Variants in DFFA observed in about 807,000 individuals in gnomAD.
DFFA encodes DFF45.
A neutral mutation model predicts 28.0 loss-of-function variants in DFFA; 14 were observed. The observed-to-expected ratio is 0.50, with a 90% confidence interval of 0.33 to 0.78. DFFA has a LOEUF of 0.78. Among genes scored for constraint, DFFA ranks in the 30% least tolerant of loss-of-function variants. DFFA has a pLI of 0.02. For missense variants in DFFA, 395 were observed against 407.1 expected, an observed-to-expected ratio of 0.97 and a Z score of 0.26; for synonymous variants, 158 against 170.3, an observed-to-expected ratio of 0.93 and a Z score of 0.56.
chr1:10,464,339 G>A (rs548576385), intron 3 of DFFA, among the ~76,000 whole-genome samples: 3 of 152,100 alleles, frequency 2.0e-5, no homozygotes, highest in South Asian at 2.1e-4. Context: ...TGATCCACCC[G>A]CCTCGGCCTC....
rs988569408 is a variant in DFFA, at chr1:10,463,316, C to T, written c.632-107G>A. On this transcript the variant is annotated intron_variant, in intron 4 of 5. Transcript: ENST00000377038. ...GCAAGAGAGAAACGTGCCCGTCCCG[C>T]ATCCCAGCAGCCGCGGCTTCAGTGG... The T allele has an allele frequency of 4.5e-6, 7 of 1,549,742 alleles. No individual in the cohort carries two copies. The African/African-American group carries it at 9.5e-5, about 21-fold the overall frequency.
chr1:10,465,618 C>G (rs769826797), intron 3 of DFFA, among the ~76,000 whole-genome samples: 7 of 152,068 alleles, frequency 4.6e-5, no homozygotes, highest in Non-Finnish European at 8.8e-5. Flanking sequence ...GTCTTGATCT[C>G]TTGACATCGT....
chr1:10,468,614 G>T (rs1641052500), intron 2 of DFFA, among the ~76,000 whole-genome samples: 1 of 151,996 alleles, frequency 6.6e-6, no homozygotes, highest in Non-Finnish European at 1.5e-5. Flanking sequence ...TTAGTAAATG[G>T]TAGAGCCAGG....
intron 3 of DFFA, among the ~76,000 whole-genome samples, chr1:10,466,369 T>G (rs1641022604): frequency 6.6e-6 from 1 of 151,906 alleles, no homozygotes; most frequent in Non-Finnish European, 1.5e-5. Context: ...TTTTGTATTT[T>G]TAGTAGAGAT....
chr1:10,471,152 G>T (rs1484484151), intron 1 of DFFA, among the ~76,000 whole-genome samples: 1 of 151,064 alleles, frequency 6.6e-6, no homozygotes, highest in Non-Finnish European at 1.5e-5. Context: ...AAGTATAAAA[G>T]AAGTGGAAGC....
chr1:10,461,843 C>A (rs1265085516), intron 5 of DFFA, 141 bp from the exon 6 acceptor site: 5 of 1,455,302 alleles, frequency 3.4e-6, no homozygotes, highest in Non-Finnish European at 4.5e-6. Context: ...GTTTCCTTTA[C>A]CATTAATTGC....
chr1:10,472,138 G>C lies in DFFA; in HGVS notation c.136+185C>G, dbSNP rs1349113142. On this transcript the variant is annotated intron_variant, in intron 1 of 5. Coordinates refer to ENST00000377038, the MANE Select transcript of DFFA (RefSeq NM_004401.3). This position sits in a 1 kb window ranked among gnomAD's most constrained non-coding sequence, Gnocchi z 5.0. ...CCCACCACCGTGGAGTCTCACACGA[G>C]ATTAATTACGCTCAAGCGCCTTAAA... The C allele has an allele frequency of 1.5e-6, 1 of 650,902 alleles. No homozygotes were observed. Among genetic ancestry groups the C allele is most frequent in the Admixed American group, 3.9e-5 (1 of 25,382 alleles). The allele number at this position is 650,902 out of a possible 1,614,324, so 40.3% of individuals were successfully genotyped here.
chr1:10,470,931 T>C (rs1641088764), intron 1 of DFFA, among the ~76,000 whole-genome samples: 1 of 149,870 alleles, frequency 6.7e-6, no homozygotes, highest in Admixed American at 6.6e-5. Flanking sequence ...GGCGTGGTGG[T>C]GGGCGCCTGT....
chr1:10,472,326 T>C lies in DFFA; in HGVS notation c.133A>G (p.Lys45Glu). The part of the protein sequence containing the change: ...AASCLEDLRS[K>E]ACDILAIDKS... ...TCGCCCGGGGTCCCGAGCCAACCCT[T>C]GCTCCTCAGGTCTTCGAGGCAGGAG... is the stretch of plus-strand genomic sequence containing the variant. Residue 45 changes from lysine to glutamate, a missense_variant, in exon 1 of 6, where the codon AAG becomes GAG. Coordinates refer to ENST00000377038, the MANE Select transcript of DFFA (RefSeq NM_004401.3). This position sits in a 1 kb window ranked among gnomAD's most constrained non-coding sequence, Gnocchi z 5.0. 6.3e-7 allele frequency: 1 copy of C among 1,597,864 alleles called. No homozygotes were observed. Among genetic ancestry groups the C allele is most frequent in the Non-Finnish European group, 8.5e-7 (1 of 1,170,086 alleles).
At chr1:10,466,468 C>T (rs558515911) in intron 3 of DFFA, among the ~76,000 whole-genome samples, 6 of 150,912 alleles carry the variant, frequency 4.0e-5, no homozygotes, top group African/African-American at 1.2e-4. Flanking sequence ...AGATTACAGG[C>T]GTGAGCCACT....
rs1179662968 is a variant in DFFA, at chr1:10,457,286, A to G, written c.*4204T>C. ...CTCCCGAGTATCTAGGATTACAGGC[A>G]TGTACCACTACACCCGGCTAATTTT... On this transcript the variant is annotated 3_prime_UTR_variant, in exon 6 of 6. Transcript: ENST00000377038. 1 of 152,232 alleles carries G rather than the reference A, an allele frequency of 6.6e-6. No individual in the cohort carries two copies. Among genetic ancestry groups the G allele is most frequent in the East Asian group, 1.9e-4 (1 of 5,186 alleles). 9.4% of individuals were successfully genotyped at this position (152,232 alleles called of 1,614,324 possible).
rs1165149426 is a variant in DFFA at position 10,459,368 on chromosome 1, G to C, written c.*2122C>G. On this transcript the variant is annotated 3_prime_UTR_variant, in exon 6 of 6. Transcript: ENST00000377038. ...AGGCTTGCTCTGCTTCACACCCAGAGACCTGGAGCCACAGCATGTGGAAAT... is the reference window on the plus strand; with the variant it reads ...AGGCTTGCTCTGCTTCACACCCAGACACCTGGAGCCACAGCATGTGGAAAT... The C allele has an allele frequency of 6.6e-6, 1 of 152,110 alleles. No individual in the cohort carries two copies. Among genetic ancestry groups the C allele is most frequent in the African/African-American group, 2.4e-5 (1 of 41,414 alleles). 9.4% of individuals were successfully genotyped at this position (152,110 alleles called of 1,614,324 possible).
chr1:10,462,953 A>C, intron 5 of DFFA, 105 bp downstream of exon 5: 1 of 1,536,222 alleles, frequency 6.5e-7, no homozygotes, highest in South Asian at 1.2e-5. Context: ...GCTAGGATTC[A>C]CAGTCTGCAG....
At position 10,459,254 on chromosome 1, in the gene DFFA, T is replaced by C. The variant is rs1640896804; in HGVS notation, c.*2236A>G. The C allele has an allele frequency of 1.3e-5, 2 of 152,250 alleles. No individual in the cohort carries two copies. Among genetic ancestry groups the C allele is most frequent in the South Asian group, 4.1e-4 (2 of 4,828 alleles). The allele number at this position is 152,250 out of a possible 1,614,324, so 9.4% of individuals were successfully genotyped here. A position where few individuals can be genotyped will look rare whatever the true frequency, so the allele number is the denominator to read the frequency against. ...AAAAAGTGGTCAAATAAGTCCATGA[T>C]GACTCATCACCTTTTCCCTGCAAGG... On this transcript the variant is annotated 3_prime_UTR_variant, in exon 6 of 6. Coordinates refer to ENST00000377038, the MANE Select transcript of DFFA (RefSeq NM_004401.3).
chr1:10,472,496 G>A lies in DFFA; in HGVS notation c.-38C>T. ...GGGACCTGCCCACCTTCGAGAAGTC[G>A]CGGGAGGCCGGAGCGGCGGTCCTTC... On this transcript the variant is annotated 5_prime_UTR_variant, in exon 1 of 6. Coordinates refer to ENST00000377038, the MANE Select transcript of DFFA (RefSeq NM_004401.3). The surrounding 1 kb of genome is among the most constrained non-coding windows in gnomAD (Gnocchi z 5.0). The A allele has an allele frequency of 1.3e-6, 2 of 1,557,484 alleles. No homozygotes were observed. Among genetic ancestry groups the A allele is most frequent in the Non-Finnish European group, 1.7e-6 (2 of 1,145,368 alleles).
rs929808717 is a variant in DFFA, at chr1:10,460,262, CT to C, written c.*1227del. ...TCTGTCTCAAAAAAACAAAACAAAA[CT>C]TTTTTTTTTTCTTGAGATACGGAGT... On this transcript the variant is annotated 3_prime_UTR_variant, in exon 6 of 6. Transcript: ENST00000377038. 23 of 146,690 alleles carry C rather than the reference CT, an allele frequency of 1.6e-4. No individual in the cohort carries two copies. The highest frequency in any genetic ancestry group is 2.3e-4 in the South Asian group (1 of 4,434). The allele number at this position is 146,690 out of a possible 1,614,324, so 9.1% of individuals were successfully genotyped here. A position where few individuals can be genotyped will look rare whatever the true frequency, so the allele number is the denominator to read the frequency against.
chr1:10,462,792 C>T, intron 5 of DFFA: 1 of 1,317,088 alleles, frequency 7.6e-7, no homozygotes. Flanking sequence ...CCTGCTATTC[C>T]TCCCTGTCAG....
intron 5 of DFFA, chr1:10,461,980 G>C (rs1392074527): frequency 1.7e-5 from 8 of 475,704 alleles, no homozygotes; most frequent in African/African-American, 2.1e-5. Flanking sequence ...TCAGCCCCCT[G>C]AGTAGCTGGG....
rs142383097 is a variant in DFFA, at chr1:10,461,101, A to T, written c.*389T>A. On this transcript the variant is annotated 3_prime_UTR_variant, in exon 6 of 6. Transcript: ENST00000377038. ...TTTTTTTTGTATTTTTAGTAGAGAC[A>T]GGGTTTCACCATGTTAGCCAGGATG... The T allele has an allele frequency of 6.4e-6, 1 of 156,284 alleles. No homozygotes were observed. The allele number at this position is 156,284 out of a possible 1,614,324, so 9.7% of individuals were successfully genotyped here.
Sources: allele counts gnomAD v4.1 joint callset (sites outside exome capture counted in the v4.1 genomes callset), GRCh38; gene constraint gnomAD v4.1.1; non-coding constraint Gnocchi (gnomAD v3.1); transcripts MANE v1.5; gene names NCBI Gene and HGNC (gene_info 2026-07-23, HGNC 2026-07-21).